Variants in TRAP1 observed in about 807,000 individuals in gnomAD.
The protein encoded by TRAP1 is TNF receptor associated protein 1.
A neutral mutation model predicts 89.1 loss-of-function variants in TRAP1; 102 were observed. The ratio of observed to expected loss-of-function variants is 1.15; its 90% CI spans 0.98 to 1.35. The LOEUF (loss-of-function observed/expected upper bound fraction) is 1.35. TRAP1 is among the 40% of genes most tolerant of loss of function. The pLI is 0.00. For missense variants in TRAP1, 1,256 were observed against 945.3 expected (o/e 1.33, Z -4.31); for synonymous variants, 508 against 388.0 (o/e 1.31, Z -3.64).
chr16:3,680,454 C>G (rs771482482), intron 4 of TRAP1, among the ~76,000 whole-genome samples: 7 of 152,368 alleles, frequency 4.6e-5, no homozygotes, highest in Non-Finnish European at 1.0e-4. Flanking sequence ...ACAGTGATCC[C>G]CTCTGGTGGC....
At chr16:3,665,061 G>C (rs1362321002) in intron 12 of TRAP1, 1 of 153,872 alleles carries the variant, frequency 6.5e-6, no homozygotes, top group African/African-American at 2.4e-5. Flanking sequence ...GCAGGGCCCA[G>C]GCCACCCCTG....
At chr16:3,706,537 G>A (rs2051449444) in intron 1 of TRAP1, among the ~76,000 whole-genome samples, 1 of 139,102 alleles carries the variant, frequency 7.2e-6, no homozygotes, top group Non-Finnish European at 1.5e-5. Flanking sequence ...ACAGCTCAAT[G>A]TAGCCTCAAA....
intron 12 of TRAP1, 89 bp downstream of exon 12, chr16:3,665,882 C>T (rs2050819447): frequency 6.0e-6 from 9 of 1,498,582 alleles, no homozygotes; most frequent in South Asian, 2.7e-5. Context: ...GCTGCACCGT[C>T]GCCACATCAG....
intron 1 of TRAP1, among the ~76,000 whole-genome samples, chr16:3,700,350 A>G (rs1266457756): frequency 6.6e-6 from 1 of 151,626 alleles, no homozygotes; most frequent in Non-Finnish European, 1.5e-5. Flanking sequence ...CATTTTTTGT[A>G]GAGACGGGGT....
At position 3,661,975 on chromosome 16, in the gene TRAP1, G is replaced by T; in HGVS notation, c.1940+12C>A. ...ATCCCACAGGCTGGAAGAGCCAGGA[G>T]CGTGGCCTCACCTGGGGTTGATCTC... On this transcript the variant is annotated intron_variant, in intron 16 of 17. Transcript: ENST00000246957. The T allele has an allele frequency of 6.3e-7, 1 of 1,594,212 alleles. No individual in the cohort carries two copies. The highest frequency in any genetic ancestry group is 8.6e-7 in the Non-Finnish European group (1 of 1,168,454).
chr16:3,693,578 GTTT>G (rs2051245938), intron 1 of TRAP1, among the ~76,000 whole-genome samples: 1 of 152,124 alleles, frequency 6.6e-6, no homozygotes, highest in Non-Finnish European at 1.5e-5. Context: ...GCATATCAGT[GTTT>G]CTCACCATTT....
rs570607200 is a variant in TRAP1 at position 3,691,786 on chromosome 16, A to G, written c.89-801T>C. Among the ~76,000 whole-genome samples the G allele has an allele frequency of 2.0e-5, 3 of 152,308 alleles. No homozygotes were observed. The East Asian group carries it at 5.8e-4, about 29-fold the overall frequency. ...TTCATCCAAAACAGATTTTTTAAAA[A>G]AAATTTGTGTACTTTAAAAACTGAA... On this transcript the variant is annotated intron_variant, in intron 1 of 17. Coordinates refer to ENST00000246957, the MANE Select transcript of TRAP1 (RefSeq NM_016292.3).
At chr16:3,711,282 T>G (rs1319232498) in intron 1 of TRAP1, among the ~76,000 whole-genome samples, 1 of 152,036 alleles carries the variant, frequency 6.6e-6, no homozygotes, top group Non-Finnish European at 1.5e-5. Flanking sequence ...ATCTACCCAA[T>G]CTACAGGAAT....
intron 4 of TRAP1, among the ~76,000 whole-genome samples, chr16:3,682,771 G>A (rs1405499855): frequency 6.6e-6 from 1 of 150,738 alleles, no homozygotes; most frequent in African/African-American, 2.4e-5. Context: ...TGATGTGGTA[G>A]ATCACTTGAG....
Position 3,717,524 on chromosome 16 carries a change from C to G in TRAP1, c.-16G>C, listed in dbSNP as rs773142781. Reference sequence around the variant, plus strand: ...CGCGCGCCATGTCGTACTCCCAGAGCGCCGCGCGCAGCCACGCGGGACCGT... The same window carrying G: ...CGCGCGCCATGTCGTACTCCCAGAGGGCCGCGCGCAGCCACGCGGGACCGT... On this transcript the variant is annotated 5_prime_UTR_variant, in exon 1 of 18. Coordinates refer to ENST00000246957, the MANE Select transcript of TRAP1 (RefSeq NM_016292.3). 2 of 1,354,488 alleles carry G rather than the reference C, an allele frequency of 1.5e-6. No individual in the cohort carries two copies. The highest frequency in any genetic ancestry group is 6.6e-5 in the East Asian group (2 of 30,122). The allele number at this position is 1,354,488 out of a possible 1,614,324, so 83.9% of individuals were successfully genotyped here.
chr16:3,667,751 A>T (rs1567226831), intron 11 of TRAP1, among the ~76,000 whole-genome samples: 1 of 148,048 alleles, frequency 6.8e-6, no homozygotes, highest in Non-Finnish European at 1.5e-5. Flanking sequence ...TAAATATAAC[A>T]CATCAATTTT....
At chr16:3,699,456 G>C (rs1286809233) in intron 1 of TRAP1, among the ~76,000 whole-genome samples, 1 of 147,546 alleles carries the variant, frequency 6.8e-6, no homozygotes, top group South Asian at 2.2e-4. Flanking sequence ...GACCAACAGG[G>C]TGAAACCCCA....
intron 3 of TRAP1, 142 bp from the exon 4 acceptor site, chr16:3,686,278 C>T: frequency 9.9e-7 from 1 of 1,014,970 alleles, no homozygotes; most frequent in Non-Finnish European, 1.4e-6. Flanking sequence ...CTGCTTTAGT[C>T]AAAGGCAGTT....
At chr16:3,690,395 C>T (rs1037521692) in intron 2 of TRAP1, among the ~76,000 whole-genome samples, 1 of 152,184 alleles carries the variant, frequency 6.6e-6, no homozygotes, top group Non-Finnish European at 1.5e-5. Flanking sequence ...TTCAAAGATT[C>T]TACTCTTGTC....
In TRAP1 at chr16:3,658,152, C is replaced by G. The variant is rs747660715; in HGVS notation, c.2092G>C (p.Val698Leu). The G allele has an allele frequency of 8.1e-6, 13 of 1,613,988 alleles. No individual in the cohort carries two copies. The highest frequency in any genetic ancestry group is 1.7e-6 in the Non-Finnish European group (2 of 1,180,022). The change falls in exon 18 of 18, where the codon GTC becomes CTC. Residue 698 changes from valine to leucine, a missense_variant. By Grantham distance (32) the Val-to-Leu change is conservative. Coordinates refer to ENST00000246957, the MANE Select transcript of TRAP1 (RefSeq NM_016292.3). ...TGTCAGTGTCGCTCCAGGGCCTTGACAAGCAGCTCATTCAAGCGGCCCACC... is the reference window on the plus strand; with the variant it reads ...TGTCAGTGTCGCTCCAGGGCCTTGAGAAGCAGCTCATTCAAGCGGCCCACC... The part of the protein sequence containing the change: ...AMVGRLNELL[V>L]KALERH
intron 4 of TRAP1, among the ~76,000 whole-genome samples, chr16:3,683,408 C>T (rs1451790183): frequency 1.4e-5 from 2 of 143,624 alleles, no homozygotes; most frequent in Admixed American, 7.1e-5. Flanking sequence ...TTTTTTGAGA[C>T]GAGTTTCACT....
At chr16:3,716,988 G>A (rs1229855879) in intron 1 of TRAP1, among the ~76,000 whole-genome samples, 1 of 152,254 alleles carries the variant, frequency 6.6e-6, no homozygotes, top group East Asian at 1.9e-4. Context: ...GCTACTGGGA[G>A]GCGGGGAGGG....
chr16:3,658,807 G>C lies in TRAP1; in HGVS notation c.1999C>G (p.Leu667Val). ...LRASEPGLAQLLVDQIYENAM... is the reference protein window; with the variant it reads ...LRASEPGLAQVLVDQIYENAM... ...GCTGCACTCACCTGATCCACCAGCA[G>C]CTGAGCCAGGCCAGGCTCGCTTGCG... The change falls in exon 17 of 18, where the codon CTG becomes GTG. Residue 667 changes from leucine to valine, a missense_variant. Physicochemically the swap from Leu to Val is conservative, Grantham distance 32. Coordinates refer to ENST00000246957, the MANE Select transcript of TRAP1 (RefSeq NM_016292.3). 1.9e-6 allele frequency: 3 copies of C among 1,613,830 alleles called. No individual in the cohort carries two copies. The highest frequency in any genetic ancestry group is 2.5e-6 in the Non-Finnish European group (3 of 1,179,960).
chr16:3,701,909 A>C (rs1482045099), intron 1 of TRAP1, among the ~76,000 whole-genome samples: 1 of 152,156 alleles, frequency 6.6e-6, no homozygotes, highest in Non-Finnish European at 1.5e-5. Context: ...ACAGATATTA[A>C]ATTATTAAAA....
Sources: allele counts gnomAD v4.1 joint callset (sites outside exome capture counted in the v4.1 genomes callset), GRCh38; gene constraint gnomAD v4.1.1; transcripts MANE v1.5; gene names NCBI Gene and HGNC (gene_info 2026-07-23, HGNC 2026-07-21).